FAAH2: variants seen among roughly 807,000 people sequenced by gnomAD.
FAAH2 encodes fatty-acid amide hydrolase 2.
Under a neutral mutation model 36.9 loss-of-function variants are expected in FAAH2, and 60 were observed. The ratio of observed to expected loss-of-function variants is 1.63; its 90% CI spans 1.32 to 2.02. The LOEUF (loss-of-function observed/expected upper bound fraction) is 2.02, where lower values mean the gene tolerates loss of function less well. Among genes scored for constraint, FAAH2 ranks in the 30% most tolerant of loss-of-function variants. The pLI is 0.00. For missense variants in FAAH2, 689 were observed against 397.5 expected, an observed-to-expected ratio of 1.73 and a Z score of -6.23; for synonymous variants, 214 against 143.8, an observed-to-expected ratio of 1.49 and a Z score of -3.49.
At chrX:57,413,658 C>G (rs1441236293) in intron 7 of FAAH2, among the ~76,000 whole-genome samples, 1 of 111,845 alleles carries the variant, frequency 8.9e-6, no homozygotes, top group African/African-American at 3.3e-5. Context: ...ATGCCTCCAG[C>G]TTTGTTCATT....
At chrX:57,239,445 G>T in the FAAH2 span, among the ~76,000 whole-genome samples, 2 of 105,829 alleles carry the variant, frequency 1.9e-5, no homozygotes, top group African/African-American at 3.5e-5. Flanking sequence ...TTTCTTTTGT[G>T]AGCAACCTGT....
the FAAH2 span, among the ~76,000 whole-genome samples, chrX:57,184,412 C>G: frequency 2.7e-5 from 3 of 112,224 alleles, no homozygotes. Flanking sequence ...TATTGTCACC[C>G]TGGTGGCCCA....
intron 10 of FAAH2, among the ~76,000 whole-genome samples, chrX:57,483,945 A>G (rs778915794): frequency 9.1e-6 from 1 of 109,508 alleles, no homozygotes; most frequent in East Asian, 2.9e-4. Context: ...GATTACAGGC[A>G]TGGGCATGTG....
the FAAH2 span, among the ~76,000 whole-genome samples, chrX:57,179,058 G>A: frequency 9.0e-6 from 1 of 111,195 alleles, no homozygotes; most frequent in Admixed American, 9.5e-5. Flanking sequence ...ATCCTATTCA[G>A]GCAAGCCAGT....
chrX:57,438,407 C>T (rs1486667673), intron 8 of FAAH2, among the ~76,000 whole-genome samples: 1 of 102,687 alleles, frequency 9.7e-6, no homozygotes, highest in Non-Finnish European at 2.0e-5. Context: ...ATCAGTAAAA[C>T]TACAAAATGC....
intron 4 of FAAH2, among the ~76,000 whole-genome samples, chrX:57,340,708 G>T (rs1218103652): frequency 9.0e-6 from 1 of 111,680 alleles, no homozygotes; most frequent in Non-Finnish European, 1.9e-5. Flanking sequence ...AGCAAACACA[G>T]CATGTTCTCA....
chrX:57,214,398 G>A, the FAAH2 span, among the ~76,000 whole-genome samples: 1 of 111,400 alleles, frequency 9.0e-6, no homozygotes, highest in South Asian at 3.8e-4. Context: ...AATTTTTGTG[G>A]TTTGTTGGAG....
intron 10 of FAAH2, among the ~76,000 whole-genome samples, chrX:57,457,067 T>G (rs1397176694): frequency 8.9e-6 from 1 of 111,822 alleles, no homozygotes; most frequent in Admixed American, 9.5e-5. Context: ...AATAGCAAAC[T>G]AAATCCACCA....
At chrX:57,301,027 G>C (rs1380150241) in intron 2 of FAAH2, among the ~76,000 whole-genome samples, 2 of 110,764 alleles carry the variant, frequency 1.8e-5, no homozygotes, top group Non-Finnish European at 3.8e-5. Flanking sequence ...CTGTAAACTA[G>C]TTCAACCCTT....
chrX:57,316,479 T>A (rs2052841951), intron 3 of FAAH2, among the ~76,000 whole-genome samples: 1 of 111,651 alleles, frequency 9.0e-6, no homozygotes, highest in African/African-American at 3.2e-5. Flanking sequence ...AACTATATTA[T>A]AAAGCTACAG....
the FAAH2 span, chrX:57,137,308 C>G: frequency 6.6e-6 from 5 of 759,101 alleles, no homozygotes; most frequent in East Asian, 1.5e-4. Context: ...GGTCAACAGG[C>G]GACTCGCTGA....
chrX:57,329,211 G>A lies in FAAH2; in HGVS notation c.413-2387G>A, dbSNP rs180882962. Among the ~76,000 whole-genome samples, 283 of 112,196 alleles carry A rather than the reference G, an allele frequency of 2.5e-3. 3 individuals carry two copies. Among genetic ancestry groups the A allele is most frequent in the African/African-American group, 8.7e-3 (268 of 30,915 alleles). On this transcript the variant is annotated intron_variant, in intron 3 of 10. Coordinates refer to ENST00000374900, the MANE Select transcript of FAAH2 (RefSeq NM_174912.4). Reference sequence around the variant, plus strand: ...CATTGCCTTTTGTGGGCCAGTAGGTGGCCATCATGCAGGTGTTTGCAGTTG... The same window carrying A: ...CATTGCCTTTTGTGGGCCAGTAGGTAGCCATCATGCAGGTGTTTGCAGTTG...
chrX:57,437,474 G>A (rs1201561229), intron 8 of FAAH2, among the ~76,000 whole-genome samples: 2 of 109,403 alleles, frequency 1.8e-5, no homozygotes, highest in African/African-American at 6.6e-5. Context: ...CTTATATCTT[G>A]AAAAACCTAA....
At chrX:57,462,579 G>A (rs749023386) in intron 10 of FAAH2, among the ~76,000 whole-genome samples, 96 of 112,297 alleles carry the variant, frequency 8.5e-4, no homozygotes, top group African/African-American at 3.0e-3. Context: ...CTCAATAGAT[G>A]CAGAAAAAGC....
At chrX:57,294,945 T>G (rs901600692) in intron 2 of FAAH2, among the ~76,000 whole-genome samples, 10 of 111,430 alleles carry the variant, frequency 9.0e-5, no homozygotes, top group Non-Finnish European at 1.9e-4. Flanking sequence ...AAAAAAAAAG[T>G]AACACTGAAG....
chrX:57,456,990 AG>A (rs1173592143), intron 10 of FAAH2, among the ~76,000 whole-genome samples: 1 of 111,757 alleles, frequency 8.9e-6, no homozygotes, highest in Non-Finnish European at 1.9e-5. Context: ...CAAAATGTAA[AG>A]TAAAATAAAA....
chrX:57,253,005 C>A, the FAAH2 span, among the ~76,000 whole-genome samples: 1 of 111,197 alleles, frequency 9.0e-6, no homozygotes, highest in African/African-American at 3.3e-5. Context: ...TGCAAGGAAG[C>A]TAAAAACCTT....
chrX:57,248,259 A>G, the FAAH2 span, among the ~76,000 whole-genome samples: 1 of 112,120 alleles, frequency 8.9e-6, no homozygotes, highest in Non-Finnish European at 1.9e-5. Flanking sequence ...TCTTGCACCA[A>G]CAGGTAATTT....
chrX:57,310,393 C>G (rs1463053421), intron 2 of FAAH2, among the ~76,000 whole-genome samples, 200 bp from the exon 3 acceptor site: 3 of 111,614 alleles, frequency 2.7e-5, no homozygotes, highest in Non-Finnish European at 5.6e-5. Flanking sequence ...ATAATTCTTA[C>G]TAGGTTGGAT....
Sources: gnomAD v4.1 joint callset for allele counts (sites outside exome capture counted in the v4.1 genomes callset) on GRCh38, gnomAD v4.1.1 for gene constraint, MANE v1.5 for transcripts, NCBI Gene and HGNC (gene_info 2026-07-23, HGNC 2026-07-21) for gene names.